The following RELN variants were observed in gnomAD, a reference collection of about 807,000 sequenced individuals.
RELN encodes the protein reelin.
In RELN, 108 loss-of-function variants were observed where a neutral mutation model predicts 427.6. That is an observed-to-expected ratio of 0.25 (90% CI 0.22 to 0.30). The LOEUF (loss-of-function observed/expected upper bound fraction) is 0.30, where lower values mean the gene tolerates loss of function less well. Ranked by LOEUF, RELN falls within the 10% of genes least tolerant of loss-of-function variation. The probability of loss-of-function intolerance (pLI) is 1.00; values close to 1 mark genes in which losing one functional copy is unlikely to be tolerated. For synonymous variants in RELN, 1,524 were observed against 1,513.4 expected (o/e 1.01, Z -0.16); for missense variants, 3,715 against 4,302.8 (o/e 0.86, Z 3.82).
At chr7:103,700,730 T>C (rs1211745059) in intron 9 of RELN, among the ~76,000 whole-genome samples, 180 bp downstream of exon 9, 1 of 152,172 alleles carries the variant, frequency 6.6e-6, no homozygotes, top group Non-Finnish European at 1.5e-5. Flanking sequence ...AATGACACTT[T>C]TAATAATATC....
chr7:103,906,579 G>A (rs746049281), intron 2 of RELN, among the ~76,000 whole-genome samples: 1 of 152,048 alleles, frequency 6.6e-6, no homozygotes, highest in African/African-American at 2.4e-5. Context: ...CCTCTGAGCC[G>A]TTATAGAGCA....
At chr7:103,742,176 C>G (rs549321954) in intron 6 of RELN, among the ~76,000 whole-genome samples, 16 of 152,282 alleles carry the variant, frequency 1.1e-4, no homozygotes, top group African/African-American at 3.6e-4. Context: ...GGACGTCTAG[C>G]AAACTCCAAC....
At position 103,539,282 on chromosome 7, in the gene RELN, C is replaced by T. The variant is rs768054802; in HGVS notation, c.6976G>A (p.Asp2326Asn). Residue 2326 changes from aspartate to asparagine, a missense_variant, in exon 45 of 65, where the codon GAT becomes AAT. Asp to Asn is a conservative substitution (Grantham distance 23). Around this residue, in one of 4 missense-constraint regions of RELN, gnomAD observed 1,310 missense variants for 1,643.0 expected, o/e 0.80. Transcript: ENST00000428762. ...TTCCTACTATCAAGGGTTGTGAAAT[C>T]ATCTTCCAAGACCGTATTACCAGAA... is the stretch of plus-strand genomic sequence containing the variant. Reference protein sequence around the residue: ...NISGNTVLEDDFTTLDSRKWL... With the variant: ...NISGNTVLEDNFTTLDSRKWL... 91 of 1,614,078 alleles carry T rather than the reference C, an allele frequency of 5.6e-5. No individual in the cohort carries two copies. Among genetic ancestry groups the T allele is most frequent in the South Asian group, 2.4e-4 (22 of 91,090 alleles).
chr7:103,618,613 C>A (rs117683657), intron 20 of RELN, among the ~76,000 whole-genome samples: 3,713 of 152,180 alleles, frequency 0.024, 46 homozygotes, highest in Non-Finnish European at 0.034. Context: ...ACTTTTTGTT[C>A]TTAGCACCTG....
intron 58 of RELN, 56 bp downstream of exon 58, chr7:103,491,897 A>ACAG: frequency 1.2e-6 from 1 of 829,610 alleles, no homozygotes; most frequent in Admixed American, 2.3e-5. Context: ...CACACACACA[A>ACAG]CGATTTGGAT....
intron 9 of RELN, among the ~76,000 whole-genome samples, chr7:103,699,183 A>C (rs1286838829): frequency 6.6e-6 from 1 of 152,200 alleles, no homozygotes; most frequent in Non-Finnish European, 1.5e-5. Context: ...ACTAAAATGC[A>C]AACTAGTGGT....
chr7:103,926,676 C>A (rs7812244), intron 1 of RELN, among the ~76,000 whole-genome samples: 2 of 137,214 alleles, frequency 1.5e-5, no homozygotes, highest in Non-Finnish European at 1.5e-5. Flanking sequence ...ACGGAGTCTC[C>A]CTCTGTCGCC....
chr7:103,556,565 G>A (rs1830526000), intron 38 of RELN, among the ~76,000 whole-genome samples: 1 of 152,132 alleles, frequency 6.6e-6, no homozygotes, highest in South Asian at 2.1e-4. Context: ...GGACCCAGGT[G>A]GGAGATAATT....
At chr7:103,887,967 C>T (rs1469614003) in intron 2 of RELN, among the ~76,000 whole-genome samples, 1 of 152,040 alleles carries the variant, frequency 6.6e-6, no homozygotes, top group Non-Finnish European at 1.5e-5. Context: ...AGGGAAAACC[C>T]TTGGTGACAT....
intron 11 of RELN, among the ~76,000 whole-genome samples, chr7:103,679,292 C>T (rs554017051): frequency 6.6e-6 from 1 of 152,172 alleles, no homozygotes; most frequent in Non-Finnish European, 1.5e-5. Flanking sequence ...ATAGCTAGGC[C>T]ACCAGATGAC....
intron 12 of RELN, among the ~76,000 whole-genome samples, 161 bp from the exon 13 acceptor site, chr7:103,654,366 C>A (rs189529644): frequency 6.6e-6 from 1 of 151,924 alleles, no homozygotes; most frequent in Non-Finnish European, 1.5e-5. Context: ...TAATTTATAA[C>A]GATAGTTCAA....
Position 103,600,982 on chromosome 7 carries a change from T to A in RELN, c.3333+2322A>T, listed in dbSNP as rs148769835. 7.4e-3 allele frequency among the ~76,000 whole-genome samples: 1,122 copies of A among 152,328 alleles called. 8 individuals are homozygous for A. The highest frequency in any genetic ancestry group is 0.011 in the Non-Finnish European group (745 of 68,020). ...CACTTTTCAGTCAAGAAACCTGAGATACAGACAGTTGTTATAACTTTGCAA... is the reference window on the plus strand; with the variant it reads ...CACTTTTCAGTCAAGAAACCTGAGAAACAGACAGTTGTTATAACTTTGCAA... On this transcript the variant is annotated intron_variant, in intron 24 of 64. Coordinates refer to ENST00000428762, the MANE Select transcript of RELN (RefSeq NM_005045.4).
chr7:103,536,129 C>T (rs362737), intron 45 of RELN, among the ~76,000 whole-genome samples: 101,851 of 151,892 alleles, frequency 0.67, 34,507 homozygotes, highest in Middle Eastern at 0.74. Context: ...AAACTCTCTT[C>T]TGCTTATATA....
intron 17 of RELN, among the ~76,000 whole-genome samples, chr7:103,637,945 A>T (rs1386040043): frequency 6.6e-6 from 1 of 152,134 alleles, no homozygotes; most frequent in Non-Finnish European, 1.5e-5. Context: ...GAAACTGGTG[A>T]TCGTTTAGAG....
chr7:103,913,611 C>T (rs987803072), intron 2 of RELN, among the ~76,000 whole-genome samples: 3 of 152,228 alleles, frequency 2.0e-5, no homozygotes, highest in South Asian at 2.1e-4. Context: ...CTTTCCTACC[C>T]TAATCAAATT....
intron 11 of RELN, among the ~76,000 whole-genome samples, chr7:103,677,636 C>T (rs1833565538): frequency 6.7e-6 from 1 of 150,038 alleles, no homozygotes; most frequent in Non-Finnish European, 1.5e-5. Flanking sequence ...CGTGGCGGTA[C>T]GTGCCTGTAA....
intron 2 of RELN, among the ~76,000 whole-genome samples, chr7:103,868,155 C>T (rs1052386866): frequency 2.0e-5 from 3 of 152,088 alleles, no homozygotes; most frequent in African/African-American, 7.2e-5. Context: ...GTGCCACCTG[C>T]ATCTATGCAA....
chr7:103,897,227 T>C (rs1291916445), intron 2 of RELN, among the ~76,000 whole-genome samples: 1 of 152,118 alleles, frequency 6.6e-6, no homozygotes, highest in Non-Finnish European at 1.5e-5. Context: ...CAATTACTTC[T>C]TAAAATAAAA....
intron 1 of RELN, among the ~76,000 whole-genome samples, chr7:103,958,407 G>C (rs924226899): frequency 2.6e-5 from 4 of 152,200 alleles, no homozygotes; most frequent in Non-Finnish European, 4.4e-5. Context: ...AGTCTGAAGA[G>C]AGTCCATGTG....
Sources: allele counts gnomAD v4.1 joint callset (sites outside exome capture counted in the v4.1 genomes callset), GRCh38; gene constraint gnomAD v4.1.1; regional missense constraint gnomAD v4.1.1; transcripts MANE v1.5; gene names NCBI Gene and HGNC (gene_info 2026-07-23, HGNC 2026-07-21).